Variants in GFRAL observed in about 807,000 individuals in gnomAD.
The protein encoded by GFRAL is GDNF family receptor alpha-like.
Under a neutral mutation model 45.4 loss-of-function variants are expected in GFRAL, and 36 were observed. The ratio of observed to expected loss-of-function variants is 0.79; its 90% CI spans 0.61 to 1.05. GFRAL has a LOEUF of 1.05. Among genes scored for constraint, GFRAL ranks in the 50% least tolerant of loss-of-function variants. GFRAL has a pLI of 0.00. For synonymous variants in GFRAL, 166 were observed against 154.1 expected (o/e 1.08, Z -0.57); for missense variants, 507 against 467.5 (o/e 1.08, Z -0.78).
At chr6:55,375,834 C>G (rs1043712957) in intron 6 of GFRAL, among the ~76,000 whole-genome samples, 1 of 152,164 alleles carries the variant, frequency 6.6e-6, no homozygotes, top group Admixed American at 6.6e-5. Flanking sequence ...CTTTTCCTAT[C>G]TGAATACCCT....
At chr6:55,369,332 G>A (rs560208446) in intron 6 of GFRAL, among the ~76,000 whole-genome samples, 463 of 152,204 alleles carry the variant, frequency 3.0e-3, no homozygotes, top group African/African-American at 0.01. Context: ...ACTGACCTGC[G>A]CCTACTGTCT....
chr6:55,400,844 T>C (rs1329026943), intron 8 of GFRAL, among the ~76,000 whole-genome samples: 1 of 152,088 alleles, frequency 6.6e-6, no homozygotes. Flanking sequence ...GCCTAGATAT[T>C]CCATGACAAA....
chr6:55,332,092 C>T (rs1767837978), intron 2 of GFRAL, among the ~76,000 whole-genome samples: 1 of 152,044 alleles, frequency 6.6e-6, no homozygotes, highest in Admixed American at 6.6e-5. Context: ...TATTTTCTTA[C>T]CTCTCTCACC....
rs143350391 is a variant in GFRAL, at chr6:55,394,004, A to G, written c.953-5176A>G. Reference sequence around the variant, plus strand: ...TTTAGCTAGTTCAGTGCAGTTTGCAATGAGGAAGAATAAAGATACCTATTT... The same window carrying G: ...TTTAGCTAGTTCAGTGCAGTTTGCAGTGAGGAAGAATAAAGATACCTATTT... On this transcript the variant is annotated intron_variant, in intron 6 of 8. Coordinates refer to ENST00000340465, the MANE Select transcript of GFRAL (RefSeq NM_207410.2). 7.9e-5 allele frequency among the ~76,000 whole-genome samples: 12 copies of G among 152,314 alleles called. No individual in the cohort carries two copies. The East Asian group carries it at 1.9e-3, about 24-fold the overall frequency.
rs1194340341 is a variant in GFRAL at position 55,333,886 on chromosome 6, T to C, written c.258T>C (p.Thr86=). The change falls in exon 3 of 9, where the codon ACT becomes ACC. Residue 86 remains threonine, a synonymous_variant. Coordinates refer to ENST00000340465, the MANE Select transcript of GFRAL (RefSeq NM_207410.2). ...TCCAATTTAAAGAGTGTCTTTGCAC[T>C]GATGACTTCTATTGTACTGTGAACA... The part of the protein sequence containing the change: ...SNFQFKECLC[T]DDFYCTVNKL... 1 of 1,609,988 alleles carries C rather than the reference T, an allele frequency of 6.2e-7. No individual in the cohort carries two copies. The highest frequency in any genetic ancestry group is 1.7e-5 in the Admixed American group (1 of 59,708).
At chr6:55,388,764 A>C (rs1444564534) in intron 6 of GFRAL, among the ~76,000 whole-genome samples, 1 of 152,180 alleles carries the variant, frequency 6.6e-6, no homozygotes, top group East Asian at 1.9e-4. Flanking sequence ...TTGAGGTGGT[A>C]ACATCTCTTA....
At chr6:55,352,393 T>G (rs1581908100) in intron 5 of GFRAL, among the ~76,000 whole-genome samples, 1 of 152,224 alleles carries the variant, frequency 6.6e-6, no homozygotes, top group East Asian at 1.9e-4. Flanking sequence ...AAGATTCTTC[T>G]GGTCTTATCT....
chr6:55,328,381 A>G (rs1767791800), intron 1 of GFRAL, among the ~76,000 whole-genome samples: 1 of 151,920 alleles, frequency 6.6e-6, no homozygotes, highest in South Asian at 2.1e-4. Flanking sequence ...GCTAATATAT[A>G]CTTGAATAAA....
At chr6:55,362,416 C>G (rs1768288896) in intron 6 of GFRAL, among the ~76,000 whole-genome samples, 1 of 151,970 alleles carries the variant, frequency 6.6e-6, no homozygotes, top group Non-Finnish European at 1.5e-5. Context: ...GAGCCCTTAT[C>G]TGGTCCTGTG....
chr6:55,350,440 T>G (rs1376871383), intron 4 of GFRAL, among the ~76,000 whole-genome samples: 1 of 152,060 alleles, frequency 6.6e-6, no homozygotes, highest in African/African-American at 2.4e-5. Context: ...TGTGGGAGGC[T>G]GAGGTAGGTG....
At chr6:55,337,424 T>C (rs983359673) in intron 3 of GFRAL, among the ~76,000 whole-genome samples, 7 of 152,202 alleles carry the variant, frequency 4.6e-5, no homozygotes, top group African/African-American at 1.4e-4. Flanking sequence ...GCCTGTAAAA[T>C]CAACTGGGAA....
At chr6:55,370,740 C>A (rs189348627) in intron 6 of GFRAL, among the ~76,000 whole-genome samples, 14 of 152,246 alleles carry the variant, frequency 9.2e-5, no homozygotes, top group Admixed American at 7.2e-4. Context: ...GGACATGTGG[C>A]CAATGTAGTT....
At chr6:55,349,671 T>A (rs1191183635) in intron 3 of GFRAL, among the ~76,000 whole-genome samples, 4 of 152,190 alleles carry the variant, frequency 2.6e-5, no homozygotes, top group Middle Eastern at 3.4e-3. Flanking sequence ...AAACTGGTTT[T>A]AAAAATTGCA....
At chr6:55,329,572 T>C (rs184096431) in intron 1 of GFRAL, among the ~76,000 whole-genome samples, 23 of 152,212 alleles carry the variant, frequency 1.5e-4, no homozygotes, top group African/African-American at 5.3e-4. Context: ...TTTGACCAAG[T>C]AAATTTGTGC....
intron 3 of GFRAL, among the ~76,000 whole-genome samples, 160 bp from the exon 4 acceptor site, chr6:55,349,932 T>C (rs181467335): frequency 1.2e-4 from 19 of 152,230 alleles, no homozygotes; most frequent in Non-Finnish European, 2.6e-4. Context: ...TATACCACAT[T>C]AATTTTGAAT....
chr6:55,330,098 C>T (rs1007968), intron 1 of GFRAL, among the ~76,000 whole-genome samples: 52,452 of 151,932 alleles, frequency 0.35, 11,074 homozygotes, highest in Non-Finnish European at 0.49. Context: ...GACTAACTTG[C>T]GTAACATATT....
At chr6:55,399,888 T>C (rs1362367859) in intron 8 of GFRAL, among the ~76,000 whole-genome samples, 1 of 152,184 alleles carries the variant, frequency 6.6e-6, no homozygotes, top group East Asian at 1.9e-4. Flanking sequence ...ATTTTATTCA[T>C]TTTTAATAGG....
chr6:55,401,654 T>C (rs1768897375), intron 8 of GFRAL, 136 bp from the exon 9 acceptor site: 1 of 654,386 alleles, frequency 1.5e-6, no homozygotes. Flanking sequence ...TATTTTACTA[T>C]TGGGACTTTA....
chr6:55,385,866 T>C (rs77114408), intron 6 of GFRAL, among the ~76,000 whole-genome samples: 2,505 of 152,232 alleles, frequency 0.016, 34 homozygotes, highest in Non-Finnish European at 0.026. Flanking sequence ...GTTTCTCACA[T>C]ATTAAATTCT....
Sources: gnomAD v4.1 joint callset for allele counts (sites outside exome capture counted in the v4.1 genomes callset) on GRCh38, gnomAD v4.1.1 for gene constraint, MANE v1.5 for transcripts, NCBI Gene and HGNC (gene_info 2026-07-23, HGNC 2026-07-21) for gene names.